The following CORIN variants were observed in gnomAD, a reference collection of about 807,000 sequenced individuals.
The protein encoded by CORIN is corin, serine peptidase.
In CORIN, 117 loss-of-function variants were observed where a neutral mutation model predicts 125.3. That is an observed-to-expected ratio of 0.93 (90% CI 0.80 to 1.09). The LOEUF is 1.09. Among genes scored for constraint, CORIN ranks in the 50% least tolerant of loss-of-function variants. The pLI is 0.00. For missense variants in CORIN, 1,253 were observed against 1,306.7 expected (o/e 0.96, Z 0.63); for synonymous variants, 450 against 466.4 (o/e 0.96, Z 0.45).
At chr4:47,688,258 C>A (rs1725609245) in intron 6 of CORIN, among the ~76,000 whole-genome samples, 1 of 151,964 alleles carries the variant, frequency 6.6e-6, no homozygotes, top group Non-Finnish European at 1.5e-5. Flanking sequence ...GCTTGTTTAC[C>A]TCAATTTTTT....
chr4:47,659,797 T>C (rs943523502), intron 12 of CORIN, among the ~76,000 whole-genome samples: 8 of 152,134 alleles, frequency 5.3e-5, no homozygotes, highest in African/African-American at 1.9e-4. Flanking sequence ...AAGCAATCTA[T>C]AGATTAAATA....
At chr4:47,693,119 G>A (rs1725845032) in intron 5 of CORIN, 36 bp from the exon 6 acceptor site, 1 of 1,350,554 alleles carries the variant, frequency 7.4e-7, no homozygotes, top group African/African-American at 1.4e-5. Context: ...GTCAGAATAA[G>A]ATGGGTTTTT....
chr4:47,756,329 G>T (rs535179853), intron 4 of CORIN, among the ~76,000 whole-genome samples: 1 of 152,344 alleles, frequency 6.6e-6, no homozygotes, highest in South Asian at 2.1e-4. Context: ...CTATGGTAGG[G>T]ACTTACAACT....
At chr4:47,656,013 A>T (rs1014640753) in intron 12 of CORIN, among the ~76,000 whole-genome samples, 1 of 152,136 alleles carries the variant, frequency 6.6e-6, no homozygotes, top group African/African-American at 2.4e-5. Context: ...CTGAAACCAA[A>T]GCTAGACAAA....
chr4:47,775,679 C>A (rs1730266069), intron 3 of CORIN, among the ~76,000 whole-genome samples: 1 of 152,094 alleles, frequency 6.6e-6, no homozygotes, highest in Non-Finnish European at 1.5e-5. Context: ...AGAAGCTCAG[C>A]TGAAGAGGGA....
intron 12 of CORIN, among the ~76,000 whole-genome samples, chr4:47,656,962 A>G (rs914585349): frequency 1.3e-5 from 2 of 152,212 alleles, no homozygotes; most frequent in Non-Finnish European, 2.9e-5. Flanking sequence ...ACATACAAAA[A>G]TTAGTAGCAT....
chr4:47,710,396 A>G (rs187830112), intron 5 of CORIN, among the ~76,000 whole-genome samples: 1 of 152,362 alleles, frequency 6.6e-6, no homozygotes, highest in East Asian at 1.9e-4. Flanking sequence ...TAATTCCTTG[A>G]TAAATGCTTT....
At chr4:47,788,457 T>A (rs1730920460) in intron 2 of CORIN, among the ~76,000 whole-genome samples, 1 of 152,098 alleles carries the variant, frequency 6.6e-6, no homozygotes, top group African/African-American at 2.4e-5. Context: ...GGTAACATGC[T>A]CTCCAAACCA....
At chr4:47,600,846 G>A (rs1048833805) in intron 20 of CORIN, among the ~76,000 whole-genome samples, 3 of 152,180 alleles carry the variant, frequency 2.0e-5, no homozygotes, top group African/African-American at 7.2e-5. Flanking sequence ...GCCATTACTT[G>A]ATGTAAGAAC....
At chr4:47,808,632 C>A (rs993672451) in intron 1 of CORIN, among the ~76,000 whole-genome samples, 1 of 152,122 alleles carries the variant, frequency 6.6e-6, no homozygotes, top group Non-Finnish European at 1.5e-5. Context: ...CTTACTGATC[C>A]ATTGTACCTG....
At chr4:47,601,021 T>C (rs771439704) in intron 20 of CORIN, among the ~76,000 whole-genome samples, 2 of 152,246 alleles carry the variant, frequency 1.3e-5, no homozygotes, top group Non-Finnish European at 2.9e-5. Context: ...TTAGCCATTC[T>C]GCAAAATTAT....
chr4:47,666,931 T>C (rs1724509494), intron 10 of CORIN, among the ~76,000 whole-genome samples: 1 of 152,144 alleles, frequency 6.6e-6, no homozygotes, highest in African/African-American at 2.4e-5. Flanking sequence ...AGGGAAAAGG[T>C]AGTGCAAGAG....
At chr4:47,819,141 A>G (rs1732396926) in intron 1 of CORIN, among the ~76,000 whole-genome samples, 4 of 152,158 alleles carry the variant, frequency 2.6e-5, no homozygotes, top group Admixed American at 2.6e-4. Context: ...CCCATAATAG[A>G]TTGAGTCCAA....
At chr4:47,835,373 A>C (rs903466287) in intron 1 of CORIN, among the ~76,000 whole-genome samples, 5 of 152,192 alleles carry the variant, frequency 3.3e-5, no homozygotes, top group African/African-American at 1.2e-4. Context: ...CCCCTCAGAT[A>C]CGCTCAGCAA....
At chr4:47,611,230 T>A (rs947235067) in intron 19 of CORIN, among the ~76,000 whole-genome samples, 6 of 152,230 alleles carry the variant, frequency 3.9e-5, no homozygotes, top group Non-Finnish European at 8.8e-5. Context: ...TCCATGAGCA[T>A]GGAATTTTTT....
At chr4:47,750,314 T>C (rs1005155027) in intron 4 of CORIN, among the ~76,000 whole-genome samples, 1 of 152,132 alleles carries the variant, frequency 6.6e-6, no homozygotes, top group African/African-American at 2.4e-5. Flanking sequence ...TTGTCTCCCA[T>C]CAGAAGATAA....
At position 47,645,132 on chromosome 4, in the gene CORIN, T is replaced by A; in HGVS notation, c.1906A>T (p.Ile636Phe). The A allele has an allele frequency of 6.2e-7, 1 of 1,613,386 alleles. No individual in the cohort carries two copies. The highest frequency in any genetic ancestry group is 8.5e-7 in the Non-Finnish European group (1 of 1,179,620). The stretch of plus-strand genomic sequence containing the variant: ...GGGCAGTCTGGGAACCCATCGCAGA[T>A]CACTGTGTGCTTCAAACATTGTTTA... ...SNKQCLKHTV[I>F]CDGFPDCPDY... Residue 636 changes from isoleucine (I) to phenylalanine (F), a missense_variant, in exon 14 of 22, where the codon ATC (isoleucine) becomes TTC (phenylalanine). Physicochemically the swap from Ile to Phe is conservative, Grantham distance 21. Transcript: ENST00000273857.
At chr4:47,622,623 T>C (rs552827053) in intron 19 of CORIN, among the ~76,000 whole-genome samples, 2 of 152,312 alleles carry the variant, frequency 1.3e-5, no homozygotes, top group East Asian at 3.9e-4. Context: ...TTTTTTCATG[T>C]GTTTTTTGTC....
chr4:47,703,492 G>C (rs1726401914), intron 5 of CORIN, among the ~76,000 whole-genome samples: 1 of 152,182 alleles, frequency 6.6e-6, no homozygotes, highest in South Asian at 2.1e-4. Context: ...ACCTGAGATA[G>C]GAAAATAAAG....
Sources: gnomAD v4.1 joint callset for allele counts (sites outside exome capture counted in the v4.1 genomes callset) on GRCh38, gnomAD v4.1.1 for gene constraint, MANE v1.5 for transcripts, NCBI Gene and HGNC (gene_info 2026-07-23, HGNC 2026-07-21) for gene names.